The following MPPE1 variants were observed in gnomAD, a reference collection of about 807,000 sequenced individuals.
MPPE1 encodes the protein metallo phosphoesterase.
MPPE1 carries 28 observed loss-of-function variants against 43.8 expected under a neutral mutation model. The observed-to-expected ratio is 0.64, with a 90% CI of 0.47 to 0.88. The LOEUF is 0.88. MPPE1 is among the 40% of genes least tolerant of loss of function. The pLI is 0.00. For missense variants in MPPE1, 428 were observed against 492.2 expected (o/e 0.87, Z 1.23); for synonymous variants, 159 against 188.5 (o/e 0.84, Z 1.28).
chr18:11,884,564 A>C lies in MPPE1; in HGVS notation c.1072T>G (p.Leu358Val), dbSNP rs139322104. Residue 358 changes from leucine (L) to valine (V), a missense_variant, in exon 11 of 11, where the codon TTG becomes GTG. By Grantham distance (32) the Leu-to-Val change is conservative. Transcript: ENST00000588072. ...KCYLPREDVV[L>V]IIYCGVVGFL... Reference sequence around the variant, plus strand: ...CCCACCACTCCACAGTAGATGATCAAAACCACATCCTCACGTGGGAGGTAG... The same window carrying C: ...CCCACCACTCCACAGTAGATGATCACAACCACATCCTCACGTGGGAGGTAG... 106 of 1,614,096 alleles carry C rather than the reference A, an allele frequency of 6.6e-5. No individual in the cohort carries two copies. The African/African-American group carries it at 1.1e-3, about 17-fold the overall frequency.
At chr18:11,890,637 C>T (rs2037892676) in intron 4 of MPPE1, among the ~76,000 whole-genome samples, 1 of 152,202 alleles carries the variant, frequency 6.6e-6, no homozygotes, top group South Asian at 2.1e-4. Context: ...ATGGTATCCT[C>T]TCCCATCTTA....
In MPPE1 at chr18:11,894,444, A is replaced by C. The variant is rs1405567483; in HGVS notation, c.282-868T>G. 4.0e-5 allele frequency among the ~76,000 whole-genome samples: 6 copies of C among 151,488 alleles called. 1 individual carries two copies. Among genetic ancestry groups the C allele is most frequent in the South Asian group, 2.1e-4 (1 of 4,798 alleles). On this transcript the variant is annotated intron_variant, in intron 3 of 10. Transcript: ENST00000588072. ...GAGACTCCATCTCAAAAAAAAAAAA[A>C]AAAAAAAAAAACAGCCTGGGATCTG...
At position 11,897,363 on chromosome 18, in the gene MPPE1, G is replaced by A; in HGVS notation, c.-92-7C>T. ...TCAGGTCTTAGCTGGGCACCTACGGGAAAAGGAAAAGAATTCAGTTATGTT... is the reference window on the plus strand; with the variant it reads ...TCAGGTCTTAGCTGGGCACCTACGGAAAAAGGAAAAGAATTCAGTTATGTT... On this transcript the variant is annotated splice_region_variant and splice_polypyrimidine_tract_variant and intron_variant, in intron 2 of 10. Coordinates refer to ENST00000588072, the MANE Select transcript of MPPE1 (RefSeq NM_023075.6). The A allele has an allele frequency of 1.8e-6, 2 of 1,119,822 alleles. No homozygotes were observed. The highest frequency in any genetic ancestry group is 2.6e-6 in the Non-Finnish European group (2 of 774,846). 69.4% of individuals were successfully genotyped at this position (1,119,822 alleles called of 1,614,324 possible). A position where few individuals can be genotyped will look rare whatever the true frequency, so the allele number is the denominator to read the frequency against.
intron 2 of MPPE1, chr18:11,902,696 AC>A (rs2039323948): frequency 1.3e-5 from 2 of 152,052 alleles, no homozygotes. Context: ...CCTCTTCTAC[AC>A]CCCCTTCTCT....
intron 2 of MPPE1, chr18:11,905,260 T>C (rs1321351207): frequency 1.3e-5 from 2 of 152,176 alleles, no homozygotes; most frequent in African/African-American, 2.4e-5. Flanking sequence ...TGAGCAGAGA[T>C]TGGGCCACTG....
chr18:11,897,220 TG>T lies in MPPE1; in HGVS notation c.44del (p.Pro15HisfsTer2). Reference protein sequence around the residue: ...ELGFGRQNFHPLKRKSSLLLK... With the variant: ...ELGFGRQNFHXLKRKSSLLLK... ...ACAGCAATGAACTCTTCCTCTTTAA[TG>T]GATGAAAATTCTGTCTTCCAAACCC... On this transcript the variant is annotated frameshift_variant, in exon 3 of 11. Coordinates refer to ENST00000588072, the MANE Select transcript of MPPE1 (RefSeq NM_023075.6). LOFTEE classifies it high-confidence loss of function. 1 of 1,152,426 alleles carries T rather than the reference TG, an allele frequency of 8.7e-7. No homozygotes were observed. Among genetic ancestry groups the T allele is most frequent in the South Asian group, 1.5e-5 (1 of 67,854 alleles). 71.4% of individuals were successfully genotyped at this position (1,152,426 alleles called of 1,614,324 possible). A position where few individuals can be genotyped will look rare whatever the true frequency, so the allele number is the denominator to read the frequency against.
At chr18:11,903,139 A>T (rs1265301463) in intron 2 of MPPE1, among the ~76,000 whole-genome samples, 1 of 152,124 alleles carries the variant, frequency 6.6e-6, no homozygotes, top group African/African-American at 2.4e-5. Flanking sequence ...GTGCCCATTC[A>T]ACAGTTAACA....
chr18:11,890,580 G>A (rs1386617609), intron 4 of MPPE1, among the ~76,000 whole-genome samples: 2 of 152,218 alleles, frequency 1.3e-5, no homozygotes, highest in African/African-American at 2.4e-5. Flanking sequence ...AAAGTGCTAG[G>A]ATTACAGGCA....
At chr18:11,891,436 T>A (rs1206439541) in intron 4 of MPPE1, 1 of 152,044 alleles carries the variant, frequency 6.6e-6, no homozygotes, top group Non-Finnish European at 1.5e-5. Flanking sequence ...ATCACGCCAC[T>A]GCACTCCAGA....
intron 4 of MPPE1, among the ~76,000 whole-genome samples, chr18:11,890,727 C>G (rs1255560169): frequency 6.6e-6 from 1 of 152,048 alleles, no homozygotes; most frequent in Non-Finnish European, 1.5e-5. Flanking sequence ...ATTCATAGAC[C>G]CTGGTGGAGA....
chr18:11,892,630 G>A lies in MPPE1; in HGVS notation c.390+838C>T, dbSNP rs554367011. Among the ~76,000 whole-genome samples the A allele has an allele frequency of 1.2e-4, 18 of 149,228 alleles. No individual in the cohort carries two copies. In the South Asian group the frequency reaches 3.6e-3, roughly 30 times the overall value. On this transcript the variant is annotated intron_variant, in intron 4 of 10. Coordinates refer to ENST00000588072, the MANE Select transcript of MPPE1 (RefSeq NM_023075.6). ...AGAGGTTGCAGTGAGCTGAGATTGC[G>A]CCATTGCACTCCAGCCTGGGCAACG...
At chr18:11,905,466 G>A (rs1379969049) in intron 2 of MPPE1, 2 of 152,272 alleles carry the variant, frequency 1.3e-5, no homozygotes, top group East Asian at 1.9e-4. Context: ...TACCTGAAAT[G>A]AAGACAGAAT....
At chr18:11,889,969 G>A (rs1038657716) in intron 4 of MPPE1, among the ~76,000 whole-genome samples, 4 of 149,806 alleles carry the variant, frequency 2.7e-5, no homozygotes, top group African/African-American at 9.9e-5. Context: ...TTGAGATGGA[G>A]TCTCGCTCTG....
rs1165683242 is a variant in MPPE1 at position 11,884,161 on chromosome 18, C to T, written c.*284G>A. On this transcript the variant is annotated 3_prime_UTR_variant, in exon 11 of 11. Coordinates refer to ENST00000588072, the MANE Select transcript of MPPE1 (RefSeq NM_023075.6). ...CAAGGACTGTCGTGCATGTGAGTGACGACATTAATAGCATTTACATACTGT... is the reference window on the plus strand; with the variant it reads ...CAAGGACTGTCGTGCATGTGAGTGATGACATTAATAGCATTTACATACTGT... The T allele has an allele frequency of 3.6e-5, 11 of 306,784 alleles. No homozygotes were observed. The highest frequency in any genetic ancestry group is 1.0e-4 in the South Asian group (2 of 19,742). 19.0% of individuals were successfully genotyped at this position (306,784 alleles called of 1,614,324 possible). A position where few individuals can be genotyped will look rare whatever the true frequency, so the allele number is the denominator to read the frequency against.
intron 6 of MPPE1, among the ~76,000 whole-genome samples, chr18:11,887,669 T>C (rs2037493201): frequency 1.3e-5 from 2 of 152,212 alleles, no homozygotes; most frequent in Non-Finnish European, 2.9e-5. Context: ...TTTTATCTCC[T>C]ACATGCATAC....
chr18:11,884,070 ATATT>A lies in MPPE1; in HGVS notation c.*371_*374del, dbSNP rs113400359. On this transcript the variant is annotated 3_prime_UTR_variant, in exon 11 of 11. Transcript: ENST00000588072. ...TTCACAGGAAGAGGGAAACAGCCCA[ATATT>A]TATTTATGTATACACATAATCCCAA... 0.08 allele frequency: 14,541 copies of A among 181,868 alleles called. 903 individuals are homozygous for A. Among genetic ancestry groups the A allele is most frequent in the African/African-American group, 0.18 (7,486 of 42,314 alleles). 11.3% of individuals were successfully genotyped at this position (181,868 alleles called of 1,614,324 possible). A position where few individuals can be genotyped will look rare whatever the true frequency, so the allele number is the denominator to read the frequency against.
chr18:11,893,994 C>A (rs766692146), intron 3 of MPPE1, among the ~76,000 whole-genome samples: 10 of 152,184 alleles, frequency 6.6e-5, no homozygotes, highest in Non-Finnish European at 1.3e-4. Context: ...ACTTCAACTT[C>A]CTTCTTTGCT....
chr18:11,887,598 C>G (rs2144192972), intron 6 of MPPE1, among the ~76,000 whole-genome samples: 1 of 152,300 alleles, frequency 6.6e-6, no homozygotes, highest in East Asian at 1.9e-4. Context: ...AGGGTAATAA[C>G]AAAGTCCATT....
intron 4 of MPPE1, among the ~76,000 whole-genome samples, chr18:11,892,211 G>A (rs1369841841): frequency 6.6e-6 from 1 of 151,870 alleles, no homozygotes; most frequent in African/African-American, 2.4e-5. Context: ...ATGGTGGTGT[G>A]TGCCTGTAAT....
Sources: gnomAD v4.1 joint callset for allele counts (sites outside exome capture counted in the v4.1 genomes callset) on GRCh38, gnomAD v4.1.1 for gene constraint, MANE v1.5 for transcripts, NCBI Gene and HGNC (gene_info 2026-07-23, HGNC 2026-07-21) for gene names.